Variants in LGR5 observed in about 807,000 individuals in gnomAD.
The protein encoded by LGR5 is leucine-rich repeat-containing G protein-coupled receptor 5.
A neutral mutation model predicts 76.7 loss-of-function variants in LGR5; 54 were observed. That is an observed-to-expected ratio of 0.70 (90% confidence interval 0.57 to 0.88). LGR5 has a LOEUF of 0.88. LGR5 is among the 40% of genes least tolerant of loss of function. The pLI, the probability that LGR5 is intolerant of heterozygous loss-of-function variation, is 0.00. For missense variants in LGR5, 1,078 were observed against 1,073.3 expected (o/e 1.00, Z -0.06); for synonymous variants, 406 against 421.9 (o/e 0.96, Z 0.46).
chr12:71,494,810 T>A (rs2137286131), intron 1 of LGR5, among the ~76,000 whole-genome samples: 1 of 151,280 alleles, frequency 6.6e-6, no homozygotes, highest in South Asian at 2.1e-4. Flanking sequence ...GGATTCCAGA[T>A]CTATTCTGGA....
intron 5 of LGR5, 145 bp downstream of exon 5, chr12:71,553,433 A>C (rs1387138941): frequency 1.5e-6 from 1 of 657,116 alleles, no homozygotes; most frequent in African/African-American, 1.8e-5. Flanking sequence ...ATGACTTATA[A>C]ATGCTCCAAT....
chr12:71,451,207 G>C (rs956095572), intron 1 of LGR5, among the ~76,000 whole-genome samples: 13 of 152,176 alleles, frequency 8.5e-5, no homozygotes, highest in Admixed American at 8.5e-4. Context: ...GTTGATTACA[G>C]CTTGATGTTT....
At chr12:71,456,809 T>C (rs999041449) in intron 1 of LGR5, among the ~76,000 whole-genome samples, 5 of 152,158 alleles carry the variant, frequency 3.3e-5, no homozygotes, top group Non-Finnish European at 7.4e-5. Context: ...ATAGCATTCA[T>C]TTAAAATCAA....
chr12:71,560,663 A>G (rs1377432488), intron 7 of LGR5, among the ~76,000 whole-genome samples: 1 of 152,180 alleles, frequency 6.6e-6, no homozygotes, highest in African/African-American at 2.4e-5. Context: ...CTCGTGGCAC[A>G]TGCCTATAAT....
At chr12:71,519,266 C>T (rs1310447283) in intron 2 of LGR5, among the ~76,000 whole-genome samples, 1 of 152,172 alleles carries the variant, frequency 6.6e-6, no homozygotes, top group Non-Finnish European at 1.5e-5. Flanking sequence ...TGCTGAAATG[C>T]CTACTCAGCA....
At chr12:71,559,536 T>A in intron 6 of LGR5, 50 bp from the exon 7 acceptor site, 1 of 970,632 alleles carries the variant, frequency 1.0e-6, no homozygotes, top group Non-Finnish European at 1.7e-6. Flanking sequence ...AAATAGAGTA[T>A]ATATGAAGTT....
At chr12:71,582,560 T>G (rs1328799656) in intron 17 of LGR5, 21 bp downstream of exon 17, 1 of 1,561,870 alleles carries the variant, frequency 6.4e-7, no homozygotes, top group South Asian at 1.1e-5. Context: ...CATCAAAAAT[T>G]CCTCAACGGC....
intron 1 of LGR5, among the ~76,000 whole-genome samples, chr12:71,455,986 T>C (rs1310144749): frequency 1.3e-5 from 2 of 152,124 alleles, no homozygotes; most frequent in African/African-American, 4.8e-5. Context: ...TATTTGTAAA[T>C]TGTAAGCATA....
intron 17 of LGR5, 134 bp from the exon 18 acceptor site, chr12:71,583,513 A>C (rs1411415387): frequency 1.0e-6 from 1 of 992,642 alleles, no homozygotes; most frequent in Non-Finnish European, 1.5e-6. Flanking sequence ...GAGCATGCAC[A>C]TGGGCACTGT....
At chr12:71,481,657 T>A (rs1437705873) in intron 1 of LGR5, among the ~76,000 whole-genome samples, 2 of 152,176 alleles carry the variant, frequency 1.3e-5, no homozygotes, top group East Asian at 3.8e-4. Flanking sequence ...GAAGATTTCA[T>A]CCTGTTGGCA....
chr12:71,566,314 T>C (rs1878336274), intron 8 of LGR5, 90 bp from the exon 9 acceptor site: 1 of 802,984 alleles, frequency 1.2e-6, no homozygotes, highest in Non-Finnish European at 2.1e-6. Context: ...ATTACATAAG[T>C]ACATTTACTG....
chr12:71,565,042 G>T (rs1413579735), intron 8 of LGR5, among the ~76,000 whole-genome samples: 1 of 151,444 alleles, frequency 6.6e-6, no homozygotes, highest in Non-Finnish European at 1.5e-5. Context: ...ACATGGTATA[G>T]CTAAGAGCTG....
chr12:71,553,088 C>A lies in LGR5; in HGVS notation c.444C>A (p.Asn148Lys). The stretch of plus-strand genomic sequence containing the variant: ...TCTTCCACAGGCGTCTGGATGCTAA[C>A]CACATCAGCTATGTGCCCCCAAGCT... ...RSLQSLRLDA[N>K]HISYVPPSCF... The change falls in exon 5 of 18, where the codon AAC (asparagine) becomes AAA (lysine). Residue 148 changes from asparagine to lysine, a missense_variant. Transcript: ENST00000266674. 6.2e-7 allele frequency: 1 copy of A among 1,613,978 alleles called. No individual in the cohort carries two copies. The highest frequency in any genetic ancestry group is 2.2e-5 in the East Asian group (1 of 44,854).
At chr12:71,488,194 A>G (rs1873918539) in intron 1 of LGR5, among the ~76,000 whole-genome samples, 1 of 152,230 alleles carries the variant, frequency 6.6e-6, no homozygotes, top group Non-Finnish European at 1.5e-5. Context: ...ACTAAGTAAG[A>G]GTACAAGTTT....
At chr12:71,508,668 C>T (rs1425401772) in intron 2 of LGR5, among the ~76,000 whole-genome samples, 6 of 145,926 alleles carry the variant, frequency 4.1e-5, no homozygotes, top group Non-Finnish European at 1.5e-5. Context: ...GCAGTAGAAT[C>T]GCTTGAACCT....
intron 1 of LGR5, among the ~76,000 whole-genome samples, chr12:71,482,724 C>G (rs1592478292): frequency 1.3e-5 from 2 of 152,042 alleles, no homozygotes; most frequent in African/African-American, 4.8e-5. Context: ...CAGGACAGCC[C>G]CCATAACAAA....
At chr12:71,483,874 C>T (rs1344291117) in intron 1 of LGR5, among the ~76,000 whole-genome samples, 1 of 151,944 alleles carries the variant, frequency 6.6e-6, no homozygotes, top group Non-Finnish European at 1.5e-5. Context: ...GACTGATGGC[C>T]ATTTAGATGA....
chr12:71,510,425 C>A (rs893924175), intron 2 of LGR5, among the ~76,000 whole-genome samples: 29 of 152,260 alleles, frequency 1.9e-4, no homozygotes, highest in African/African-American at 6.3e-4. Context: ...TACCTCTCTG[C>A]CTCCTTTTTC....
rs542207419 is a variant in LGR5, at chr12:71,580,797, A to T, written c.1552+374A>T. ...ACTCCAGCCTGGGCAACAGAGCAAGACTGTCTCAAAAAAAAAGGAAAAAAA... is the reference window on the plus strand; with the variant it reads ...ACTCCAGCCTGGGCAACAGAGCAAGTCTGTCTCAAAAAAAAAGGAAAAAAA... On this transcript the variant is annotated intron_variant, in intron 16 of 17. Coordinates refer to ENST00000266674, the MANE Select transcript of LGR5 (RefSeq NM_003667.4). Among the ~76,000 whole-genome samples the T allele has an allele frequency of 2.6e-5, 4 of 152,148 alleles. No individual in the cohort carries two copies. The East Asian group carries it at 7.7e-4, about 29-fold the overall frequency.
Sources: gnomAD v4.1 joint callset for allele counts (sites outside exome capture counted in the v4.1 genomes callset) on GRCh38, gnomAD v4.1.1 for gene constraint, MANE v1.5 for transcripts, NCBI Gene and HGNC (gene_info 2026-07-23, HGNC 2026-07-21) for gene names.